FCHO2: variants seen among roughly 807,000 people sequenced by gnomAD.
The protein encoded by FCHO2 is FCH and mu domain containing endocytic adaptor 2.
In FCHO2, 43 loss-of-function variants were observed where a neutral mutation model predicts 114.1. That is an observed-to-expected ratio of 0.38 (90% CI 0.30 to 0.49). The LOEUF is 0.49. Ranked by LOEUF, FCHO2 falls within the 20% of genes least tolerant of loss-of-function variation. The pLI, the probability that FCHO2 is intolerant of heterozygous loss-of-function variation, is 0.97. For missense variants in FCHO2, 807 were observed against 950.4 expected, an observed-to-expected ratio of 0.85 and a Z score of 1.98; for synonymous variants, 293 against 315.2, an observed-to-expected ratio of 0.93 and a Z score of 0.75.
At chr5:73,006,101 G>A (rs531035845) in intron 5 of FCHO2, among the ~76,000 whole-genome samples, 1 of 149,208 alleles carries the variant, frequency 6.7e-6, no homozygotes, top group African/African-American at 2.4e-5. Flanking sequence ...ATATTGTCTG[G>A]AAGTTTCTCT....
intron 11 of FCHO2, among the ~76,000 whole-genome samples, chr5:73,046,053 T>G (rs1226309847): frequency 6.6e-6 from 1 of 152,166 alleles, no homozygotes; most frequent in Non-Finnish European, 1.5e-5. Context: ...GCTGGTTGTT[T>G]ATGGTGGTTT....
intron 6 of FCHO2, among the ~76,000 whole-genome samples, chr5:73,012,918 A>T (rs1469724386): frequency 3.3e-5 from 5 of 152,226 alleles, no homozygotes; most frequent in Admixed American, 3.3e-4. Flanking sequence ...TTCTAAATAA[A>T]TAAAGATCTG....
At chr5:73,011,022 T>C (rs1273968635) in intron 6 of FCHO2, among the ~76,000 whole-genome samples, 1 of 152,166 alleles carries the variant, frequency 6.6e-6, no homozygotes, top group Non-Finnish European at 1.5e-5. Context: ...TACTGAATAC[T>C]GTAGGCAGTT....
At chr5:73,003,396 T>G (rs1226755582) in intron 5 of FCHO2, among the ~76,000 whole-genome samples, 1 of 152,138 alleles carries the variant, frequency 6.6e-6, no homozygotes, top group African/African-American at 2.4e-5. Context: ...AGTCTGGTCT[T>G]GAACTCCTAG....
Position 73,015,648 on chromosome 5 carries a change from C to G in FCHO2, c.623C>G (p.Thr208Ser). 6.4e-7 allele frequency: 1 copy of G among 1,569,862 alleles called. No homozygotes were observed. The highest frequency in any genetic ancestry group is 1.2e-5 in the South Asian group (1 of 83,478). Residue 208 changes from threonine (T) to serine (S), a missense_variant, in exon 7 of 26, where the codon ACT becomes AGT. Thr to Ser is a moderately conservative substitution (Grantham distance 58). Transcript: ENST00000430046. ...TAQKFQDIEE[T>S]HLIHIKEIIG... The stretch of plus-strand genomic sequence containing the variant: ...CAGAAATTTCAAGATATTGAAGAAA[C>G]TCATCTCATTCACATAAAGGAAATT...
chr5:73,076,949 A>G (rs1405632924), intron 20 of FCHO2, among the ~76,000 whole-genome samples: 2 of 152,180 alleles, frequency 1.3e-5, no homozygotes, highest in Non-Finnish European at 1.5e-5. Context: ...CCTCCTTGCT[A>G]CCATCACCAT....
chr5:73,018,512 T>G (rs1755432988), intron 8 of FCHO2, among the ~76,000 whole-genome samples: 1 of 151,940 alleles, frequency 6.6e-6, no homozygotes, highest in African/African-American at 2.4e-5. Flanking sequence ...GATTTTAGTC[T>G]TAACTTTCTT....
chr5:72,975,897 C>T (rs2112626262), intron 2 of FCHO2, among the ~76,000 whole-genome samples: 1 of 152,256 alleles, frequency 6.6e-6, no homozygotes, highest in East Asian at 1.9e-4. Flanking sequence ...TTGGTTGCTT[C>T]CAAGTTTTGG....
intron 1 of FCHO2, 93 bp from the exon 2 acceptor site, chr5:72,968,405 A>T: frequency 1.3e-6 from 1 of 799,568 alleles, no homozygotes; most frequent in Middle Eastern, 2.5e-4. Flanking sequence ...TCACCTGAGC[A>T]CAGGATTGCA....
chr5:73,041,359 T>A (rs777875355), intron 11 of FCHO2, 44 bp downstream of exon 11: 1 of 1,242,184 alleles, frequency 8.1e-7, no homozygotes, highest in African/African-American at 1.5e-5. Context: ...AATTAGTTAT[T>A]TTCATTAGGA....
intron 16 of FCHO2, 53 bp from the exon 17 acceptor site, chr5:73,058,380 A>T (rs1757697256): frequency 2.4e-6 from 3 of 1,240,440 alleles, no homozygotes; most frequent in Admixed American, 5.0e-5. Context: ...TAGAAATTTT[A>T]TACTAATAAA....
At chr5:73,060,571 T>C (rs1180308095) in intron 17 of FCHO2, among the ~76,000 whole-genome samples, 1 of 152,054 alleles carries the variant, frequency 6.6e-6, no homozygotes, top group Non-Finnish European at 1.5e-5. Flanking sequence ...CCCCATTCTT[T>C]GCAATGCACT....
chr5:73,068,742 A>T lies in FCHO2; in HGVS notation c.1542A>T (p.Ser514=), dbSNP rs751900867. The T allele has an allele frequency of 1.2e-6, 2 of 1,612,344 alleles. No individual in the cohort carries two copies. Among genetic ancestry groups the T allele is most frequent in the South Asian group, 2.2e-5 (2 of 91,042 alleles). Residue 514 remains serine, a synonymous_variant, in exon 19 of 26, where the codon TCA becomes TCT. Coordinates refer to ENST00000430046, the MANE Select transcript of FCHO2 (RefSeq NM_138782.3). ...ARAESSSSIS[S]SASLSAANTP... ...CAGAAAGTTCTTCTTCTATCTCATC[A>T]TCTGCTTCATTGAGTGCTGCCAATA...
chr5:72,984,027 T>G (rs1261704935), intron 2 of FCHO2, among the ~76,000 whole-genome samples: 1 of 152,212 alleles, frequency 6.6e-6, no homozygotes, highest in African/African-American at 2.4e-5. Context: ...TTCCAGTTGC[T>G]TTATGTTCTC....
intron 11 of FCHO2, among the ~76,000 whole-genome samples, chr5:73,049,662 GTT>G (rs1757249678): frequency 6.6e-6 from 1 of 152,060 alleles, no homozygotes. Flanking sequence ...TGTTTGCAGT[GTT>G]CTTTCAACTT....
chr5:73,086,391 GAC>G (rs995497505), intron 24 of FCHO2, among the ~76,000 whole-genome samples: 14 of 152,172 alleles, frequency 9.2e-5, no homozygotes, highest in Admixed American at 9.2e-4. Context: ...TCAATGTTGT[GAC>G]ATCCTATTCT....
intron 19 of FCHO2, 48 bp downstream of exon 19, chr5:73,068,827 A>C: frequency 6.4e-7 from 1 of 1,553,702 alleles, no homozygotes; most frequent in Non-Finnish European, 8.7e-7. Flanking sequence ...TACAAAGTAT[A>C]TGTATGCTAA....
chr5:73,080,889 T>C (rs1032753178), intron 22 of FCHO2, among the ~76,000 whole-genome samples: 45 of 152,262 alleles, frequency 3.0e-4, no homozygotes, highest in African/African-American at 1.0e-3. Flanking sequence ...GGCGAGAAGA[T>C]TGCTTGAGCC....
intron 5 of FCHO2, among the ~76,000 whole-genome samples, chr5:72,992,064 A>T (rs1326160804): frequency 6.6e-6 from 1 of 152,204 alleles, no homozygotes; most frequent in Non-Finnish European, 1.5e-5. Context: ...TGAGGTCCAA[A>T]ATATTTTAAA....
Sources: allele counts gnomAD v4.1 joint callset (sites outside exome capture counted in the v4.1 genomes callset), GRCh38; gene constraint gnomAD v4.1.1; transcripts MANE v1.5; gene names NCBI Gene and HGNC (gene_info 2026-07-23, HGNC 2026-07-21).